Variants in GRIN3A observed in about 807,000 individuals in gnomAD.
The protein encoded by GRIN3A is glutamate ionotropic receptor NMDA type subunit 3A.
In GRIN3A, 47 loss-of-function variants were observed where a neutral mutation model predicts 92.4. The observed-to-expected ratio is 0.51, with a 90% CI of 0.40 to 0.65. The LOEUF (loss-of-function observed/expected upper bound fraction) is 0.65. GRIN3A is among the 30% of genes least tolerant of loss of function. The pLI is 0.00. For missense variants in GRIN3A, 1,324 were observed against 1,393.1 expected, an observed-to-expected ratio of 0.95 and a Z score of 0.79; for synonymous variants, 527 against 540.6, an observed-to-expected ratio of 0.97 and a Z score of 0.35.
intron 3 of GRIN3A, among the ~76,000 whole-genome samples, chr9:101,648,652 A>G (rs557028522): frequency 6.6e-6 from 1 of 152,196 alleles, no homozygotes; most frequent in African/African-American, 2.4e-5. Context: ...TGTTGAATAC[A>G]TTTATATTCA....
rs373857272 is a variant in GRIN3A at position 101,577,865 on chromosome 9, A to G, written c.2932-21T>C. On this transcript the variant is annotated intron_variant, in intron 7 of 8. Coordinates refer to ENST00000361820, the MANE Select transcript of GRIN3A (RefSeq NM_133445.3). The stretch of plus-strand genomic sequence containing the variant: ...AATCTCTGATGGAGAAAACAGATTC[A>G]CAGGTAGAAATTATGAGAAACACAT... 94 of 1,562,872 alleles carry G rather than the reference A, an allele frequency of 6.0e-5. 1 individual carries two copies. In the Admixed American group the frequency reaches 6.2e-4, roughly 10 times the overall value.
intron 3 of GRIN3A, among the ~76,000 whole-genome samples, chr9:101,669,320 T>C (rs1535634): frequency 0.065 from 9,963 of 152,140 alleles, 432 homozygotes; most frequent in East Asian, 0.22. Flanking sequence ...CTTACCTAAG[T>C]ATTACCTGCT....
At position 101,670,167 on chromosome 9, in the gene GRIN3A, A is replaced by G; in HGVS notation, c.2245T>C (p.Trp749Arg). The change falls in exon 3 of 9, where the codon TGG (tryptophan) becomes CGG (arginine). Residue 749 changes from tryptophan to arginine, a missense_variant. Trp to Arg is a moderately radical substitution (Grantham distance 101). Coordinates refer to ENST00000361820, the MANE Select transcript of GRIN3A (RefSeq NM_133445.3). ...CWTGRFLMNL[W>R]AIFCMFCLST... Reference sequence around the variant, plus strand: ...AGGCAAAACATACAGAAAATGGCCCAAAGGTTCATTAGAAACCTTCCAGTC... The same window carrying G: ...AGGCAAAACATACAGAAAATGGCCCGAAGGTTCATTAGAAACCTTCCAGTC... 1 of 1,613,812 alleles carries G rather than the reference A, an allele frequency of 6.2e-7. No homozygotes were observed. Among genetic ancestry groups the G allele is most frequent in the Non-Finnish European group, 8.5e-7 (1 of 1,179,764 alleles).
intron 2 of GRIN3A, among the ~76,000 whole-genome samples, chr9:101,686,334 A>G (rs910721292): frequency 6.6e-5 from 10 of 152,222 alleles, no homozygotes; most frequent in African/African-American, 2.2e-4. Context: ...TTCCAAGAAC[A>G]CAACAGCTAG....
In GRIN3A at chr9:101,738,007, C is replaced by A; in HGVS notation, c.-28G>T. 1.3e-6 allele frequency: 2 copies of A among 1,516,700 alleles called. No individual in the cohort carries two copies. The highest frequency in any genetic ancestry group is 2.8e-5 in the African/African-American group (2 of 72,704). 94.0% of individuals were successfully genotyped at this position (1,516,700 alleles called of 1,614,324 possible). ...CTGAGACCCGCAGGGAGAAAGCGCGCCCCCTCCTGCGCCCGGCTCGCCCCT... is the reference window on the plus strand; with the variant it reads ...CTGAGACCCGCAGGGAGAAAGCGCGACCCCTCCTGCGCCCGGCTCGCCCCT... On this transcript the variant is annotated 5_prime_UTR_variant, in exon 1 of 9. Coordinates refer to ENST00000361820, the MANE Select transcript of GRIN3A (RefSeq NM_133445.3).
chr9:101,724,728 T>G (rs1830064624), intron 1 of GRIN3A, among the ~76,000 whole-genome samples: 1 of 152,232 alleles, frequency 6.6e-6, no homozygotes, highest in Non-Finnish European at 1.5e-5. Flanking sequence ...CTGATTTTGC[T>G]TTCTCCTCAT....
intron 6 of GRIN3A, among the ~76,000 whole-genome samples, chr9:101,585,964 A>G (rs1195242919): frequency 1.3e-5 from 2 of 152,124 alleles, no homozygotes. Flanking sequence ...TTGCTCAGCC[A>G]TTTGGGCTTC....
chr9:101,605,933 G>A (rs747365669), intron 6 of GRIN3A, among the ~76,000 whole-genome samples: 2 of 152,196 alleles, frequency 1.3e-5, no homozygotes, highest in Non-Finnish European at 1.5e-5. Flanking sequence ...TAACAATCAA[G>A]TAAGATACGC....
chr9:101,697,787 G>T lies in GRIN3A; in HGVS notation c.700-10587C>A, dbSNP rs141273796. ...ATGCCACAAATTAAGGGGCAGGAGTGAATTAGAGGCATTTCTCTTTCTATT... is the reference window on the plus strand; with the variant it reads ...ATGCCACAAATTAAGGGGCAGGAGTTAATTAGAGGCATTTCTCTTTCTATT... On this transcript the variant is annotated intron_variant, in intron 1 of 8. Transcript: ENST00000361820. Among the ~76,000 whole-genome samples the T allele has an allele frequency of 1.5e-3, 231 of 152,288 alleles. 4 individuals are homozygous for T. Among genetic ancestry groups the T allele is most frequent in the African/African-American group, 5.4e-3 (224 of 41,554 alleles).
intron 6 of GRIN3A, among the ~76,000 whole-genome samples, chr9:101,583,529 A>G (rs1827915766): frequency 6.6e-6 from 1 of 152,156 alleles, no homozygotes; most frequent in Admixed American, 6.5e-5. Context: ...CTTGATACTC[A>G]TTATTGGTCA....
intron 6 of GRIN3A, among the ~76,000 whole-genome samples, chr9:101,610,123 T>C (rs2118840888): frequency 6.6e-6 from 1 of 152,358 alleles, no homozygotes; most frequent in Middle Eastern, 3.4e-3. Context: ...TTTGTTTCCT[T>C]CCTTGGTTGA....
At chr9:101,712,228 AACTG>A (rs1829887455) in intron 1 of GRIN3A, among the ~76,000 whole-genome samples, 2 of 152,230 alleles carry the variant, frequency 1.3e-5, no homozygotes, top group African/African-American at 2.4e-5. Flanking sequence ...CTCTTCAAAT[AACTG>A]ACTAAGTCTC....
intron 6 of GRIN3A, chr9:101,594,588 G>T (rs1161249912): frequency 6.2e-7 from 1 of 1,614,076 alleles, no homozygotes. Flanking sequence ...ACCTGGAAGA[G>T]CTCCCCGTTG....
At chr9:101,634,972 T>A (rs1206234208) in intron 3 of GRIN3A, among the ~76,000 whole-genome samples, 1 of 152,234 alleles carries the variant, frequency 6.6e-6, no homozygotes, top group African/African-American at 2.4e-5. Flanking sequence ...AGAATGTTGC[T>A]GAGGTCCACC....
intron 6 of GRIN3A, among the ~76,000 whole-genome samples, chr9:101,580,178 G>A (rs957851889): frequency 1.3e-5 from 2 of 152,120 alleles, no homozygotes; most frequent in African/African-American, 4.8e-5. Context: ...ATAAATTCCT[G>A]TTCCCTTTTA....
intron 1 of GRIN3A, among the ~76,000 whole-genome samples, chr9:101,688,025 A>C (rs1462267332): frequency 1.3e-5 from 2 of 152,222 alleles, no homozygotes; most frequent in Non-Finnish European, 2.9e-5. Context: ...AAGAGCAAGC[A>C]TCTGACATCC....
chr9:101,729,158 A>G (rs994106042), intron 1 of GRIN3A, among the ~76,000 whole-genome samples: 5 of 152,140 alleles, frequency 3.3e-5, no homozygotes, highest in African/African-American at 1.2e-4. Flanking sequence ...CTGCCTTCCA[A>G]GGATAAGGTG....
intron 3 of GRIN3A, among the ~76,000 whole-genome samples, chr9:101,645,488 C>T (rs1265491981): frequency 1.3e-5 from 2 of 151,532 alleles, no homozygotes; most frequent in African/African-American, 4.8e-5. Context: ...TACTGATTTC[C>T]TTTCTTTTGG....
intron 3 of GRIN3A, among the ~76,000 whole-genome samples, chr9:101,656,238 G>A (rs983668516): frequency 3.3e-5 from 5 of 151,834 alleles, no homozygotes; most frequent in African/African-American, 9.7e-5. Flanking sequence ...GCAGGGGGTG[G>A]GAGAATTCTG....
Sources: gnomAD v4.1 joint callset for allele counts (sites outside exome capture counted in the v4.1 genomes callset) on GRCh38, gnomAD v4.1.1 for gene constraint, MANE v1.5 for transcripts, NCBI Gene and HGNC (gene_info 2026-07-23, HGNC 2026-07-21) for gene names.